ATR: variants seen among roughly 807,000 people sequenced by gnomAD.
ATR encodes the protein ATR checkpoint kinase.
Under a neutral mutation model 305.3 loss-of-function variants are expected in ATR, and 142 were observed. That is an observed-to-expected ratio of 0.47 (90% CI 0.41 to 0.53). The LOEUF is 0.53. Among genes scored for constraint, ATR ranks in the 20% least tolerant of loss-of-function variants. The pLI is 0.00. For missense variants in ATR, 2,135 were observed against 3,133.1 expected, an observed-to-expected ratio of 0.68 and a Z score of 7.60; for synonymous variants, 1,050 against 1,068.1, an observed-to-expected ratio of 0.98 and a Z score of 0.33.
chr3:142,554,929 TAA>T (rs879549974), intron 10 of ATR, among the ~76,000 whole-genome samples: 11 of 139,038 alleles, frequency 7.9e-5, no homozygotes, highest in African/African-American at 1.1e-4. Context: ...CCCTGTCTCT[TAA>T]AAAAAAAAAA....
intron 24 of ATR, among the ~76,000 whole-genome samples, chr3:142,517,862 A>T (rs1229976530): frequency 2.0e-5 from 3 of 152,254 alleles, no homozygotes; most frequent in Non-Finnish European, 4.4e-5. Flanking sequence ...AGGATTGAAT[A>T]AGCATTTATT....
chr3:142,457,550 C>T (rs983226197), intron 45 of ATR, 54 bp downstream of exon 45: 7 of 1,604,148 alleles, frequency 4.4e-6, no homozygotes, highest in African/African-American at 4.0e-5. Context: ...ATGTAGGGGC[C>T]AATAATTATA....
At chr3:142,475,269 C>A (rs1030706203) in intron 36 of ATR, among the ~76,000 whole-genome samples, 2 of 152,046 alleles carry the variant, frequency 1.3e-5, no homozygotes, top group East Asian at 1.9e-4. Flanking sequence ...CCACAACAGG[C>A]CCCAGTGTGT....
At chr3:142,523,613 T>A (rs1442863411) in intron 22 of ATR, among the ~76,000 whole-genome samples, 1 of 152,176 alleles carries the variant, frequency 6.6e-6, no homozygotes, top group East Asian at 1.9e-4. Context: ...CATTTAATTT[T>A]GTTCTATATG....
At chr3:142,542,295 T>G (rs2034081732) in intron 17 of ATR, among the ~76,000 whole-genome samples, 1 of 152,162 alleles carries the variant, frequency 6.6e-6, no homozygotes, top group African/African-American at 2.4e-5. Flanking sequence ...TTGAAGCCAT[T>G]GAGGTCATTA....
At chr3:142,558,027 A>G (rs1421648068) in intron 8 of ATR, among the ~76,000 whole-genome samples, 2 of 152,184 alleles carry the variant, frequency 1.3e-5, no homozygotes, top group African/African-American at 2.4e-5. Flanking sequence ...TCCTAATTTT[A>G]TTAAATGAAG....
rs776114635 is a variant in ATR at position 142,496,998 on chromosome 3, A to G, written c.5738+15T>C. 1 of 1,609,484 alleles carries G rather than the reference A, an allele frequency of 6.2e-7. No individual in the cohort carries two copies. The highest frequency in any genetic ancestry group is 8.5e-7 in the Non-Finnish European group (1 of 1,177,122). ...CAAGATAAGTGACATTTTTAAAAAA[A>G]GTAGTGTGAGAAACCTTTTGTTGAG... On this transcript the variant is annotated intron_variant, in intron 33 of 46. Coordinates refer to ENST00000350721, the MANE Select transcript of ATR (RefSeq NM_001184.4).
chr3:142,452,808 A>C, intron 46 of ATR: 1 of 1,173,462 alleles, frequency 8.5e-7, no homozygotes, highest in Non-Finnish European at 1.1e-6. Context: ...ATGATATTAA[A>C]GCTCAGACCT....
intron 8 of ATR, among the ~76,000 whole-genome samples, chr3:142,557,220 A>C (rs2034705197): frequency 6.6e-6 from 1 of 152,058 alleles, no homozygotes; most frequent in African/African-American, 2.4e-5. Context: ...CTCCATTTCT[A>C]ACAAGTCCCT....
chr3:142,450,213 C>T, intron 46 of ATR: 1 of 557,390 alleles, frequency 1.8e-6, no homozygotes, highest in Non-Finnish European at 3.3e-6. Flanking sequence ...CCAAATATGA[C>T]TTATGTTCCA....
intron 35 of ATR, among the ~76,000 whole-genome samples, chr3:142,491,028 T>C (rs1475709982): frequency 6.6e-6 from 1 of 152,148 alleles, no homozygotes; most frequent in African/African-American, 2.4e-5. Context: ...AAGTTCACAC[T>C]TTTAAAGTTG....
chr3:142,450,928 G>A (rs1021778123), intron 46 of ATR: 53 of 1,224,050 alleles, frequency 4.3e-5, no homozygotes, highest in Middle Eastern at 3.0e-4. Context: ...CATTATCTTC[G>A]CGGAGCTCAC....
At chr3:142,506,426 G>C (rs146426792) in intron 28 of ATR, among the ~76,000 whole-genome samples, 6,368 of 152,256 alleles carry the variant, frequency 0.042, 438 homozygotes, top group African/African-American at 0.15. Context: ...AGGCACAGTG[G>C]CTCATGCCTG....
At chr3:142,481,297 G>A (rs753165186) in intron 36 of ATR, among the ~76,000 whole-genome samples, 1 of 152,188 alleles carries the variant, frequency 6.6e-6, no homozygotes, top group Non-Finnish European at 1.5e-5. Context: ...TGCATCTATT[G>A]AGATGAGATG....
At position 142,462,185 on chromosome 3, in the gene ATR, C is replaced by T; in HGVS notation, c.7042-95G>A. On this transcript the variant is annotated intron_variant, in intron 41 of 46. Transcript: ENST00000350721. ...ATTTAAAGATTGTTCATTTCATAACCAAAGAATGTCATTGAAGGCTTACTA... is the reference window on the plus strand; with the variant it reads ...ATTTAAAGATTGTTCATTTCATAACTAAAGAATGTCATTGAAGGCTTACTA... 4.0e-6 allele frequency: 5 copies of T among 1,262,898 alleles called. No individual in the cohort carries two copies. In the South Asian group the frequency reaches 6.5e-5, roughly 17 times the overall value. 78.2% of individuals were successfully genotyped at this position (1,262,898 alleles called of 1,614,324 possible).
intron 30 of ATR, 121 bp from the exon 31 acceptor site, chr3:142,499,839 G>A (rs1559941338): frequency 1.3e-6 from 1 of 798,790 alleles, no homozygotes; most frequent in Non-Finnish European, 2.0e-6. Context: ...ATTGTATTTT[G>A]TTCTTAGATA....
intron 46 of ATR, chr3:142,451,439 G>C: frequency 2.7e-6 from 4 of 1,496,776 alleles, no homozygotes; most frequent in African/African-American, 1.4e-5. Flanking sequence ...GCCCTGATCA[G>C]CAAGTAAAAA....
chr3:142,516,879 C>T (rs2032884408), intron 24 of ATR, among the ~76,000 whole-genome samples: 1 of 151,776 alleles, frequency 6.6e-6, no homozygotes, highest in South Asian at 2.1e-4. Flanking sequence ...CATCTTACGG[C>T]TACCTGTGTG....
chr3:142,452,929 C>T (rs576526269), intron 46 of ATR, 199 bp downstream of exon 46: 30 of 1,424,212 alleles, frequency 2.1e-5, no homozygotes, highest in South Asian at 4.4e-5. Context: ...TATACAAATG[C>T]GAATACTGTT....
Sources: gnomAD v4.1 joint callset for allele counts (sites outside exome capture counted in the v4.1 genomes callset) on GRCh38, gnomAD v4.1.1 for gene constraint, MANE v1.5 for transcripts, NCBI Gene and HGNC (gene_info 2026-07-23, HGNC 2026-07-21) for gene names.